The following PRRC2C variants were observed in gnomAD, a reference collection of about 807,000 sequenced individuals.
The protein encoded by PRRC2C is protein PRRC2C.
In PRRC2C, 72 loss-of-function variants were observed where a neutral mutation model predicts 317.2. The ratio of observed to expected loss-of-function variants is 0.23; its 90% confidence interval spans 0.19 to 0.28. The LOEUF (loss-of-function observed/expected upper bound fraction) is 0.28. PRRC2C is among the 10% of genes least tolerant of loss of function. PRRC2C has a pLI of 1.00. For missense variants in PRRC2C, 3,074 were observed against 3,459.7 expected (o/e 0.89, Z 2.80); for synonymous variants, 1,296 against 1,205.9 (o/e 1.07, Z -1.55).
intron 1 of PRRC2C, among the ~76,000 whole-genome samples, chr1:171,495,387 G>C (rs1254797680): frequency 6.6e-6 from 1 of 152,030 alleles, no homozygotes; most frequent in African/African-American, 2.4e-5. Context: ...GAATACATTG[G>C]TACTCCTTCA....
chr1:171,580,590 GATAA>G (rs1276484244), intron 28 of PRRC2C, among the ~76,000 whole-genome samples: 1 of 152,206 alleles, frequency 6.6e-6, no homozygotes, highest in African/African-American at 2.4e-5. Context: ...AACCACCTAA[GATAA>G]GTCACCCTCA....
chr1:171,585,648 G>A (rs1048964923), intron 30 of PRRC2C, among the ~76,000 whole-genome samples: 7 of 152,190 alleles, frequency 4.6e-5, no homozygotes. Flanking sequence ...TGTGAATACT[G>A]CTTATATTGT....
At chr1:171,506,455 T>TCA (rs1394576613) in intron 1 of PRRC2C, among the ~76,000 whole-genome samples, 6 of 152,156 alleles carry the variant, frequency 3.9e-5, no homozygotes, top group Non-Finnish European at 7.4e-5. Flanking sequence ...TGGGCTTTGT[T>TCA]GAGTCTTTTG....
At chr1:171,514,262 A>ATGTGTG (rs10531775) in intron 3 of PRRC2C, among the ~76,000 whole-genome samples, 58 of 148,690 alleles carry the variant, frequency 3.9e-4, no homozygotes, top group South Asian at 1.7e-3. Context: ...GTGTGTGTGT[A>ATGTGTG]TGTGTGTGTG....
intron 6 of PRRC2C, among the ~76,000 whole-genome samples, chr1:171,520,311 G>GA (rs1167502812): frequency 1.3e-5 from 2 of 152,058 alleles, no homozygotes; most frequent in Non-Finnish European, 2.9e-5. Context: ...ACCTGGCCTT[G>GA]AAAAATGATT....
intron 15 of PRRC2C, among the ~76,000 whole-genome samples, chr1:171,539,105 G>A (rs531056547): frequency 3.9e-5 from 6 of 151,990 alleles, no homozygotes; most frequent in East Asian, 1.9e-4. Flanking sequence ...GGGTTCAAGC[G>A]ATTCTCCTGC....
intron 18 of PRRC2C, among the ~76,000 whole-genome samples, chr1:171,555,042 T>C (rs1343236360): frequency 6.6e-6 from 1 of 152,230 alleles, no homozygotes; most frequent in African/African-American, 2.4e-5. Context: ...TCCTGGATAA[T>C]ATCCGGAAGA....
intron 28 of PRRC2C, among the ~76,000 whole-genome samples, chr1:171,583,666 G>C (rs1482409459): frequency 1.3e-5 from 2 of 152,202 alleles, no homozygotes; most frequent in African/African-American, 2.4e-5. Context: ...GTACTGAACT[G>C]TTAGGACTGT....
At chr1:171,533,481 A>C (rs969917484) in intron 12 of PRRC2C, among the ~76,000 whole-genome samples, 2 of 152,328 alleles carry the variant, frequency 1.3e-5, no homozygotes, top group South Asian at 4.1e-4. Flanking sequence ...TTAAAATAAA[A>C]TTCTTTTTCT....
chr1:171,497,244 TGTTA>T (rs1176732473), intron 1 of PRRC2C, among the ~76,000 whole-genome samples: 2 of 152,218 alleles, frequency 1.3e-5, no homozygotes, highest in Non-Finnish European at 2.9e-5. Context: ...TATTTCAGTT[TGTTA>T]ATTTCTCAAA....
chr1:171,528,944 G>T (rs1263044115), intron 11 of PRRC2C, among the ~76,000 whole-genome samples: 1 of 151,566 alleles, frequency 6.6e-6, no homozygotes, highest in Non-Finnish European at 1.5e-5. Context: ...AGCTGGGACT[G>T]CAGGTGCACA....
intron 20 of PRRC2C, among the ~76,000 whole-genome samples, chr1:171,561,310 A>C (rs1050528737): frequency 3.3e-5 from 5 of 152,090 alleles, no homozygotes; most frequent in African/African-American, 1.2e-4. Flanking sequence ...AAAAATAGCC[A>C]GTTGTGGTGG....
chr1:171,518,771 G>A (rs1373969709), intron 6 of PRRC2C, among the ~76,000 whole-genome samples: 2 of 146,576 alleles, frequency 1.4e-5, no homozygotes, highest in Non-Finnish European at 3.0e-5. Context: ...TCAGAGTGTT[G>A]GGATTACAGA....
chr1:171,579,144 A>G (rs536341120), intron 26 of PRRC2C, among the ~76,000 whole-genome samples: 1 of 152,242 alleles, frequency 6.6e-6, no homozygotes, highest in Admixed American at 6.5e-5. Context: ...TGCCTTCACA[A>G]GTACTAGTTA....
intron 10 of PRRC2C, among the ~76,000 whole-genome samples, chr1:171,525,669 A>C (rs1370925687): frequency 6.6e-6 from 1 of 152,212 alleles, no homozygotes; most frequent in African/African-American, 2.4e-5. Context: ...CAGTGTGCTA[A>C]GTGGCGTAAT....
intron 1 of PRRC2C, among the ~76,000 whole-genome samples, chr1:171,498,435 C>T (rs1668506201): frequency 6.6e-6 from 1 of 152,214 alleles, no homozygotes; most frequent in South Asian, 2.1e-4. Context: ...GCACACATCA[C>T]ATCTGTGAGG....
chr1:171,571,832 T>C (rs2102759043), intron 24 of PRRC2C, among the ~76,000 whole-genome samples: 1 of 152,348 alleles, frequency 6.6e-6, no homozygotes, highest in South Asian at 2.1e-4. Context: ...TTGTCTTCCC[T>C]GTAAGTTATG....
chr1:171,502,028 TC>T (rs1329157544), intron 1 of PRRC2C, among the ~76,000 whole-genome samples: 21 of 152,200 alleles, frequency 1.4e-4, no homozygotes, highest in African/African-American at 4.8e-4. Flanking sequence ...ACTCAAATAA[TC>T]ATCCCACCCC....
chr1:171,520,797 C>CTTTTTT (rs61220175), intron 6 of PRRC2C, among the ~76,000 whole-genome samples: 1 of 109,328 alleles, frequency 9.1e-6, no homozygotes, highest in African/African-American at 3.4e-5. Flanking sequence ...ATTTCTTCTC[C>CTTTTTT]TTTTTTTTTT....
Sources: gnomAD v4.1 joint callset for allele counts (sites outside exome capture counted in the v4.1 genomes callset) on GRCh38, gnomAD v4.1.1 for gene constraint, MANE v1.5 for transcripts, NCBI Gene and HGNC (gene_info 2026-07-23, HGNC 2026-07-21) for gene names.